The following ZNF689 variants were observed in gnomAD, a reference collection of about 807,000 sequenced individuals.
ZNF689 encodes the protein short ORF-encoded histone-binding protein.
A neutral mutation model predicts 37.2 loss-of-function variants in ZNF689; 14 were observed. The ratio of observed to expected loss-of-function variants is 0.38; its 90% CI spans 0.25 to 0.59. The LOEUF is 0.59. Ranked by LOEUF, ZNF689 falls within the 20% of genes least tolerant of loss-of-function variation. The probability of loss-of-function intolerance (pLI) is 0.68; values close to 1 mark genes in which losing one functional copy is unlikely to be tolerated. For synonymous variants in ZNF689, 277 were observed against 283.3 expected, an observed-to-expected ratio of 0.98 and a Z score of 0.22; for missense variants, 573 against 700.2, an observed-to-expected ratio of 0.82 and a Z score of 2.05.
rs745813021 is a variant in ZNF689, at chr16:30,604,460, T to C, written c.1307A>G (p.Lys436Arg). Residue 436 changes from lysine (K) to arginine (R), a missense_variant, in exon 3 of 3, where the codon AAG becomes AGG. This residue lies in a region of ZNF689 where 317 missense variants were observed against 367.1 expected (regional missense o/e 0.86). Coordinates refer to ENST00000287461, the MANE Select transcript of ZNF689 (RefSeq NM_138447.3). The surrounding 1 kb of genome is among the most constrained non-coding windows in gnomAD (Gnocchi z 5.2). Reference protein sequence around the residue: ...ERPYACDLCSKRFAQWSHLAQ... With the variant: ...ERPYACDLCSRRFAQWSHLAQ... ...CAGGTGGCTCCACTGAGCAAAACGC[T>C]TGGAGCAAAGGTCGCAGGCATAGGG... The C allele has an allele frequency of 8.1e-6, 13 of 1,611,104 alleles. No individual in the cohort carries two copies. The South Asian group carries it at 1.3e-4, about 16-fold the overall frequency.
Sources: gnomAD v4.1 joint callset for allele counts on GRCh38, gnomAD v4.1.1 for gene constraint, gnomAD v4.1.1 regional missense constraint, Gnocchi (gnomAD v3.1) non-coding constraint, MANE v1.5 for transcripts, NCBI Gene and HGNC (gene_info 2026-07-23, HGNC 2026-07-21) for gene names.